Variants in ATP6V1C1 observed in about 807,000 individuals in gnomAD.
The protein encoded by ATP6V1C1 is V-type proton ATPase subunit C 1.
Under a neutral mutation model 53.9 loss-of-function variants are expected in ATP6V1C1, and 45 were observed. The observed-to-expected ratio is 0.83, with a 90% confidence interval of 0.66 to 1.07. The LOEUF (loss-of-function observed/expected upper bound fraction) is 1.07. ATP6V1C1 is among the 50% of genes least tolerant of loss of function. The pLI is 0.00. For missense variants in ATP6V1C1, 315 were observed against 440.3 expected, an observed-to-expected ratio of 0.72 and a Z score of 2.55; for synonymous variants, 153 against 155.2, an observed-to-expected ratio of 0.99 and a Z score of 0.11.
Position 103,051,066 on chromosome 8 carries a change from T to A in ATP6V1C1, c.303T>A (p.Tyr101Ter). 6.2e-7 allele frequency: 1 copy of A among 1,605,282 alleles called. No homozygotes were observed. Among genetic ancestry groups the A allele is most frequent in the Non-Finnish European group, 8.5e-7 (1 of 1,173,532 alleles). The part of the protein sequence containing the change: ...LLANGVDLVT[Y>*]ITRFQWDMAK... ...TTATTTCAGTGGACTTGGTTACTTA[T>A]ATAACAAGGTTCCAGTGGGACATGG... The change falls in exon 5 of 13, where the codon TAT (tyrosine) becomes TAA (stop). Residue 101 changes from tyrosine to a stop codon, truncating the protein, a stop_gained. Coordinates refer to ENST00000518738, the MANE Select transcript of ATP6V1C1 (RefSeq NM_001695.5). LOFTEE classifies it high-confidence loss of function.
chr8:103,058,775 T>C (rs1817336240), intron 8 of ATP6V1C1, among the ~76,000 whole-genome samples: 1 of 152,238 alleles, frequency 6.6e-6, no homozygotes, highest in Non-Finnish European at 1.5e-5. Flanking sequence ...GTTCACAAAA[T>C]ATAACTATTT....
At chr8:103,051,990 A>G (rs981350530) in intron 5 of ATP6V1C1, among the ~76,000 whole-genome samples, 9 of 152,100 alleles carry the variant, frequency 5.9e-5, no homozygotes, top group African/African-American at 2.2e-4. Flanking sequence ...GTCATCATGT[A>G]ATTTGATGAC....
At chr8:103,031,913 C>T (rs1400059662) in intron 1 of ATP6V1C1, among the ~76,000 whole-genome samples, 1 of 151,732 alleles carries the variant, frequency 6.6e-6, no homozygotes, top group East Asian at 1.9e-4. Context: ...ATGAATGGAT[C>T]CAAGAAACTC....
At chr8:103,052,881 G>A (rs748421382) in intron 6 of ATP6V1C1, 59 bp downstream of exon 6, 13 of 1,031,128 alleles carry the variant, frequency 1.3e-5, no homozygotes, top group Admixed American at 5.0e-5. Flanking sequence ...AGCATGCACC[G>A]AAGGAGATAT....
chr8:103,062,874 C>T (rs1389756939), intron 8 of ATP6V1C1, 81 bp from the exon 9 acceptor site: 17 of 1,231,494 alleles, frequency 1.4e-5, no homozygotes, highest in Admixed American at 1.3e-4. Context: ...TTTTCTCTTC[C>T]ACCTGTTTCT....
At chr8:103,052,077 T>C (rs1817209908) in intron 5 of ATP6V1C1, among the ~76,000 whole-genome samples, 1 of 152,096 alleles carries the variant, frequency 6.6e-6, no homozygotes. Context: ...CCTTTTTTTC[T>C]GTATCCTTAA....
intron 1 of ATP6V1C1, among the ~76,000 whole-genome samples, chr8:103,032,086 A>G (rs1323759050): frequency 2.0e-5 from 3 of 152,246 alleles, no homozygotes; most frequent in Non-Finnish European, 4.4e-5. Flanking sequence ...TCTTTTCAAA[A>G]GCATCATTAA....
At chr8:103,037,205 A>G (rs1358815827) in intron 1 of ATP6V1C1, among the ~76,000 whole-genome samples, 5 of 152,280 alleles carry the variant, frequency 3.3e-5, no homozygotes, top group Admixed American at 1.3e-4. Flanking sequence ...GCAGGGATTT[A>G]TTTTTAAAAG....
chr8:103,034,211 C>G (rs1419961219), intron 1 of ATP6V1C1, among the ~76,000 whole-genome samples: 1 of 152,124 alleles, frequency 6.6e-6, no homozygotes, highest in African/African-American at 2.4e-5. Flanking sequence ...GGACATAGAC[C>G]TGGATCTGAG....
intron 3 of ATP6V1C1, among the ~76,000 whole-genome samples, chr8:103,047,432 A>G (rs528882774): frequency 0.077 from 7,990 of 104,352 alleles, 846 homozygotes; most frequent in African/African-American, 0.25. Context: ...ATGCGCGCGC[A>G]CACACACACA....
chr8:103,062,696 G>A (rs1817423530), intron 8 of ATP6V1C1, among the ~76,000 whole-genome samples: 1 of 152,220 alleles, frequency 6.6e-6, no homozygotes, highest in East Asian at 1.9e-4. Flanking sequence ...TTAGCGTTTG[G>A]ATGCTTTACT....
chr8:103,042,500 C>T (rs1817019366), intron 3 of ATP6V1C1, 93 bp downstream of exon 3: 4 of 1,255,600 alleles, frequency 3.2e-6, no homozygotes, highest in Admixed American at 2.2e-5. Context: ...GTATACTCTG[C>T]TTATTGGAAT....
intron 1 of ATP6V1C1, 41 bp downstream of exon 1, chr8:103,021,266 C>T (rs1051038827): frequency 6.6e-6 from 1 of 152,660 alleles, no homozygotes; most frequent in Non-Finnish European, 1.5e-5. Context: ...GAGTCCTGGT[C>T]AGGCCGAAGC....
Position 103,072,147 on chromosome 8 carries a change from C to T in ATP6V1C1, c.*3400C>T, listed in dbSNP as rs548805740. The T allele has an allele frequency of 6.6e-6, 1 of 152,180 alleles. No individual in the cohort carries two copies. The highest frequency in any genetic ancestry group is 2.1e-4 in the South Asian group (1 of 4,832). The allele number at this position is 152,180 out of a possible 1,614,324, so 9.4% of individuals were successfully genotyped here. A position where few individuals can be genotyped will look rare whatever the true frequency, so the allele number is the denominator to read the frequency against. On this transcript the variant is annotated 3_prime_UTR_variant, in exon 13 of 13. Coordinates refer to ENST00000518738, the MANE Select transcript of ATP6V1C1 (RefSeq NM_001695.5). ...GTGGAACAAAAGATATTTGTGGAACCAATCTTTGTGGAACATATTCCAGCT... is the reference window on the plus strand; with the variant it reads ...GTGGAACAAAAGATATTTGTGGAACTAATCTTTGTGGAACATATTCCAGCT...
At chr8:103,047,822 C>T (rs904833851) in intron 3 of ATP6V1C1, among the ~76,000 whole-genome samples, 3 of 152,238 alleles carry the variant, frequency 2.0e-5, no homozygotes, top group Non-Finnish European at 4.4e-5. Context: ...TGTCCTTCAT[C>T]GCCCTACTCA....
intron 1 of ATP6V1C1, among the ~76,000 whole-genome samples, chr8:103,029,618 TAATTATTTTA>T (rs760074502): frequency 4.6e-5 from 7 of 152,010 alleles, no homozygotes; most frequent in Non-Finnish European, 8.8e-5. Flanking sequence ...ATGTGATGTG[TAATTATTTTA>T]GATTATTTTA....
chr8:103,041,152 C>T (rs894602350), intron 2 of ATP6V1C1, among the ~76,000 whole-genome samples, 184 bp downstream of exon 2: 2 of 152,192 alleles, frequency 1.3e-5, no homozygotes, highest in Non-Finnish European at 2.9e-5. Flanking sequence ...GAAATAATGT[C>T]TCTCTACTTA....
chr8:103,060,381 C>G (rs570648411), intron 8 of ATP6V1C1, among the ~76,000 whole-genome samples: 54 of 152,354 alleles, frequency 3.5e-4, no homozygotes, highest in South Asian at 2.1e-3. Context: ...GTCTTTCTTT[C>G]AAACTTCCAC....
intron 6 of ATP6V1C1, among the ~76,000 whole-genome samples, chr8:103,053,197 A>G (rs1476802991): frequency 2.6e-5 from 4 of 151,992 alleles, no homozygotes; most frequent in African/African-American, 9.7e-5. Context: ...ATGATGTAAT[A>G]GTTATTCTCT....
Sources: gnomAD v4.1 joint callset for allele counts (sites outside exome capture counted in the v4.1 genomes callset) on GRCh38, gnomAD v4.1.1 for gene constraint, MANE v1.5 for transcripts, NCBI Gene and HGNC (gene_info 2026-07-23, HGNC 2026-07-21) for gene names.